CAMKMT: variants seen among roughly 807,000 people sequenced by gnomAD.
The protein encoded by CAMKMT is CaM KMT.
A neutral mutation model predicts 48.0 loss-of-function variants in CAMKMT; 53 were observed. The ratio of observed to expected loss-of-function variants is 1.10; its 90% CI spans 0.89 to 1.39. The LOEUF (loss-of-function observed/expected upper bound fraction) is 1.39. Ranked by LOEUF, CAMKMT falls within the 40% of genes most tolerant of loss-of-function variation. CAMKMT has a pLI of 0.00. For missense variants in CAMKMT, 428 were observed against 402.7 expected, an observed-to-expected ratio of 1.06 and a Z score of -0.54; for synonymous variants, 165 against 152.3, an observed-to-expected ratio of 1.08 and a Z score of -0.61.
intron 7 of CAMKMT, among the ~76,000 whole-genome samples, chr2:44,734,057 T>C (rs890587223): frequency 7.9e-5 from 12 of 152,082 alleles, no homozygotes; most frequent in African/African-American, 2.9e-4. Flanking sequence ...TCTGTTTCCC[T>C]TTTTATTCAC....
intron 9 of CAMKMT, among the ~76,000 whole-genome samples, chr2:44,765,531 T>TAA (rs34921648): frequency 1.5e-5 from 2 of 132,166 alleles, no homozygotes; most frequent in African/African-American, 2.8e-5. Context: ...TTTTTTTTTT[T>TAA]AAAAAAAAAA....
chr2:44,598,743 A>G (rs1245826308), intron 3 of CAMKMT, among the ~76,000 whole-genome samples: 3 of 53,774 alleles, frequency 5.6e-5, no homozygotes, highest in Non-Finnish European at 1.3e-4. Flanking sequence ...TACTTGTTAA[A>G]GGCTCTGGGT....
intron 3 of CAMKMT, among the ~76,000 whole-genome samples, chr2:44,544,480 G>A (rs1667288788): frequency 6.6e-6 from 1 of 152,264 alleles, no homozygotes; most frequent in African/African-American, 2.4e-5. Context: ...GATTTCTCTT[G>A]CTGTTTAGTC....
At chr2:44,508,367 A>G (rs1158378255) in intron 3 of CAMKMT, among the ~76,000 whole-genome samples, 1 of 152,210 alleles carries the variant, frequency 6.6e-6, no homozygotes, top group Non-Finnish European at 1.5e-5. Context: ...TGGTTTGCAT[A>G]TAGCCAGTCA....
chr2:44,542,311 G>A (rs1467712088), intron 3 of CAMKMT, among the ~76,000 whole-genome samples: 1 of 151,992 alleles, frequency 6.6e-6, no homozygotes, highest in African/African-American at 2.4e-5. Context: ...ACAAATAAAT[G>A]TTTTCCATAT....
intron 1 of CAMKMT, among the ~76,000 whole-genome samples, chr2:44,362,911 T>A (rs1001683230): frequency 1.3e-5 from 2 of 152,206 alleles, no homozygotes; most frequent in Non-Finnish European, 2.9e-5. Context: ...TGAAGTCTGG[T>A]TATTGTTTTT....
chr2:44,476,016 C>G (rs963240383), intron 3 of CAMKMT, among the ~76,000 whole-genome samples: 2 of 152,072 alleles, frequency 1.3e-5, no homozygotes, highest in African/African-American at 4.8e-5. Flanking sequence ...TTGTGTGAAA[C>G]AACACTAAAT....
intron 3 of CAMKMT, among the ~76,000 whole-genome samples, chr2:44,656,425 C>T (rs371960589): frequency 2.6e-5 from 4 of 151,834 alleles, no homozygotes; most frequent in African/African-American, 9.7e-5. Flanking sequence ...CCTGGCTTCT[C>T]AATAAGAGTG....
At chr2:44,632,660 G>C (rs575721886) in intron 3 of CAMKMT, among the ~76,000 whole-genome samples, 12 of 152,332 alleles carry the variant, frequency 7.9e-5, no homozygotes, top group Admixed American at 7.2e-4. Flanking sequence ...GGGTGCATCT[G>C]TAAGGGTGTT....
At chr2:44,438,743 G>A (rs936302363) in intron 3 of CAMKMT, among the ~76,000 whole-genome samples, 1 of 152,144 alleles carries the variant, frequency 6.6e-6, no homozygotes, top group Non-Finnish European at 1.5e-5. Context: ...TGCAGTGCAG[G>A]TTGGAGTGCA....
intron 3 of CAMKMT, among the ~76,000 whole-genome samples, chr2:44,562,742 G>T (rs1668389739): frequency 6.6e-6 from 1 of 152,248 alleles, no homozygotes; most frequent in Admixed American, 6.5e-5. Context: ...TGTATTTTTA[G>T]TAGAGACGGG....
chr2:44,645,354 T>C (rs753308168), intron 3 of CAMKMT, among the ~76,000 whole-genome samples: 18 of 152,148 alleles, frequency 1.2e-4, no homozygotes, highest in South Asian at 4.1e-4. Flanking sequence ...TCAGGCCACA[T>C]ACAAACCACA....
chr2:44,765,157 G>T (rs1680783950), intron 9 of CAMKMT, among the ~76,000 whole-genome samples: 1 of 152,132 alleles, frequency 6.6e-6, no homozygotes, highest in South Asian at 2.1e-4. Flanking sequence ...GAACCCAGGA[G>T]GCAGAGGTTC....
At chr2:44,558,863 TACACCAAACCTTAGTG>T (rs1209845814) in intron 3 of CAMKMT, among the ~76,000 whole-genome samples, 6 of 152,136 alleles carry the variant, frequency 3.9e-5, no homozygotes, top group African/African-American at 1.4e-4. Context: ...GGATTATTCG[TACACCAAACCTTAGTG>T]ACACTTGAAT....
chr2:44,482,056 T>A (rs1488861827), intron 3 of CAMKMT, among the ~76,000 whole-genome samples: 1 of 152,082 alleles, frequency 6.6e-6, no homozygotes, highest in East Asian at 1.9e-4. Context: ...GTTGACATGT[T>A]TGAAAGGATA....
chr2:44,508,152 G>C (rs1199790095), intron 3 of CAMKMT, among the ~76,000 whole-genome samples: 2 of 152,176 alleles, frequency 1.3e-5, no homozygotes, highest in East Asian at 1.9e-4. Context: ...GGTAGACCCT[G>C]TTTTGAGTAG....
intron 3 of CAMKMT, among the ~76,000 whole-genome samples, chr2:44,570,638 A>G (rs971325000): frequency 5.3e-5 from 8 of 152,188 alleles, no homozygotes; most frequent in Non-Finnish European, 2.9e-5. Context: ...GTGGTTAGCT[A>G]TTCTTATCTG....
rs1346972697 is a variant in CAMKMT, at chr2:44,410,295, C to T, written c.376+19990C>T. Among the ~76,000 whole-genome samples the T allele has an allele frequency of 4.3e-4, 9 of 20,724 alleles. 1 individual carries two copies. The highest frequency in any genetic ancestry group is 2.2e-3 in the African/African-American group (8 of 3,638). The allele number at this position is 20,724 out of a possible 152,430, so 13.6% of individuals were successfully genotyped here. On this transcript the variant is annotated intron_variant, in intron 3 of 10. Transcript: ENST00000378494. Reference sequence around the variant, plus strand: ...TTTTTGAGACGGAGTCTTGCTCTGTCGCCCACGCTGGAGTGCAGTGGCGCG... The same window carrying T: ...TTTTTGAGACGGAGTCTTGCTCTGTTGCCCACGCTGGAGTGCAGTGGCGCG...
At chr2:44,643,119 TA>T (rs1004632266) in intron 3 of CAMKMT, among the ~76,000 whole-genome samples, 1 of 152,190 alleles carries the variant, frequency 6.6e-6, no homozygotes, top group African/African-American at 2.4e-5. Flanking sequence ...TTATACTTTT[TA>T]AAAAACTCCC....
Sources: gnomAD v4.1 joint callset for allele counts (sites outside exome capture counted in the v4.1 genomes callset) on GRCh38, gnomAD v4.1.1 for gene constraint, MANE v1.5 for transcripts, NCBI Gene and HGNC (gene_info 2026-07-23, HGNC 2026-07-21) for gene names.